GOT2: variants seen among roughly 807,000 people sequenced by gnomAD.
GOT2 encodes glutamic-oxaloacetic transaminase 2, also known as aspartate aminotransferase, mitochondrial.
Under a neutral mutation model 50.0 loss-of-function variants are expected in GOT2, and 17 were observed. That is an observed-to-expected ratio of 0.34 (90% CI 0.23 to 0.51). The LOEUF (loss-of-function observed/expected upper bound fraction) is 0.51. Among genes scored for constraint, GOT2 ranks in the 20% least tolerant of loss-of-function variants. The probability of loss-of-function intolerance (pLI) is 0.97; values close to 1 mark genes in which losing one functional copy is unlikely to be tolerated. For missense variants in GOT2, 430 were observed against 559.6 expected (o/e 0.77, Z 2.34); for synonymous variants, 172 against 204.9 (o/e 0.84, Z 1.37).
chr16:58,718,646 G>C lies in GOT2; in HGVS notation c.478C>G (p.Pro160Ala). The change falls in exon 5 of 10, where the codon CCA (proline) becomes GCA (alanine). Residue 160 changes from proline to alanine, a missense_variant. Coordinates refer to ENST00000245206, the MANE Select transcript of GOT2 (RefSeq NM_002080.4). ...ATGGGTGTGTGGTTTCCCCAGGTTG[G>C]TTTGGGCAGAAAGACATCTCGGCTG... ...KFSRDVFLPK[P>A]TWGNHTPIFR... 1 of 1,601,274 alleles carries C rather than the reference G, an allele frequency of 6.2e-7. No homozygotes were observed. The highest frequency in any genetic ancestry group is 1.3e-5 in the African/African-American group (1 of 74,424).
chr16:58,728,823 G>A (rs995848713), intron 1 of GOT2, among the ~76,000 whole-genome samples: 2 of 152,118 alleles, frequency 1.3e-5, no homozygotes, highest in Non-Finnish European at 2.9e-5. Flanking sequence ...TGGGATTATA[G>A]GCACCCGCCA....
chr16:58,728,547 G>A lies in GOT2; in HGVS notation c.90-4645C>T, dbSNP rs974925587. ...GAGAATTCAAGGAGCATATGCAGCC[G>A]TAAGACCTTGTGACCAAATGCAGGT... On this transcript the variant is annotated intron_variant, in intron 1 of 9. Coordinates refer to ENST00000245206, the MANE Select transcript of GOT2 (RefSeq NM_002080.4). 3.3e-5 allele frequency among the ~76,000 whole-genome samples: 5 copies of A among 152,334 alleles called. No individual in the cohort carries two copies. The East Asian group carries it at 7.7e-4, about 24-fold the overall frequency.
At chr16:58,730,025 A>T (rs1236694796) in intron 1 of GOT2, among the ~76,000 whole-genome samples, 1 of 152,204 alleles carries the variant, frequency 6.6e-6, no homozygotes, top group Admixed American at 6.6e-5. Flanking sequence ...AAAACTATGT[A>T]TCTATTGCTT....
intron 2 of GOT2, 85 bp downstream of exon 2, chr16:58,723,661 C>T (rs1247017658): frequency 9.0e-7 from 1 of 1,112,640 alleles, no homozygotes; most frequent in African/African-American, 1.6e-5. Flanking sequence ...GCTCCTGATT[C>T]CCGGTCCAGC....
intron 1 of GOT2, among the ~76,000 whole-genome samples, chr16:58,732,169 G>A (rs2044839413): frequency 6.6e-6 from 1 of 152,206 alleles, no homozygotes; most frequent in Non-Finnish European, 1.5e-5. Flanking sequence ...GCTGGGTGTG[G>A]TGGTGTATGC....
intron 1 of GOT2, among the ~76,000 whole-genome samples, chr16:58,726,557 C>T (rs989319170): frequency 2.6e-5 from 4 of 151,544 alleles, no homozygotes; most frequent in African/African-American, 7.3e-5. Flanking sequence ...TGCAGTGGCA[C>T]GATCGTGGCT....
chr16:58,734,276 C>T lies in GOT2; in HGVS notation c.-48G>A. On this transcript the variant is annotated 5_prime_UTR_variant, in exon 1 of 10. Coordinates refer to ENST00000245206, the MANE Select transcript of GOT2 (RefSeq NM_002080.4). ...GGCAGCCGCAGGACGGAGCAGAGGG[C>T]GAGCGGACACACACACAGGGAACCG... 9.8e-7 allele frequency: 1 copy of T among 1,024,696 alleles called. No individual in the cohort carries two copies. The highest frequency in any genetic ancestry group is 1.3e-6 in the Non-Finnish European group (1 of 778,792). The allele number at this position is 1,024,696 out of a possible 1,614,324, so 63.5% of individuals were successfully genotyped here.
At chr16:58,709,714 G>A in intron 8 of GOT2, 147 bp from the exon 9 acceptor site, 1 of 590,990 alleles carries the variant, frequency 1.7e-6, no homozygotes, top group Non-Finnish European at 3.0e-6. Flanking sequence ...CACTGGCCAG[G>A]GAAGAAAGCT....
chr16:58,723,906 A>T lies in GOT2; in HGVS notation c.90-4T>A, dbSNP rs955338073. ...TTCCACATGGGTCCACCAGGAGCTG[A>T]AATGAGAAACACATTAGCTCAATCC... On this transcript the variant is annotated splice_region_variant and splice_polypyrimidine_tract_variant and intron_variant, in intron 1 of 9. Coordinates refer to ENST00000245206, the MANE Select transcript of GOT2 (RefSeq NM_002080.4). 5.0e-6 allele frequency: 8 copies of T among 1,612,380 alleles called. No homozygotes were observed. The highest frequency in any genetic ancestry group is 5.1e-6 in the Non-Finnish European group (6 of 1,179,102).
At chr16:58,731,445 G>A (rs1385316643) in intron 1 of GOT2, among the ~76,000 whole-genome samples, 5 of 152,202 alleles carry the variant, frequency 3.3e-5, no homozygotes. Flanking sequence ...TGCCTGGTCT[G>A]TGATCTTTTA....
In GOT2 at chr16:58,716,714, C is replaced by T. The variant is rs1428942459; in HGVS notation, c.802G>A (p.Gly268Ser). The change falls in exon 7 of 10, where the codon GGC becomes AGC. Residue 268 changes from glycine (G) to serine (S), a missense_variant. Gly to Ser is a moderately conservative substitution (Grantham distance 56, BLOSUM62 0). Transcript: ENST00000245206. ...GATTGGCAGAGGCAAACATTAATGC[C>T]CTGTTCGATGAAGTGGCGCACAGCC... ...AWAVRHFIEQ[G>S]INVCLCQSYA... The T allele has an allele frequency of 6.2e-7, 1 of 1,613,824 alleles. No homozygotes were observed. The highest frequency in any genetic ancestry group is 1.3e-5 in the African/African-American group (1 of 74,910).
chr16:58,733,318 C>T (rs1478657938), intron 1 of GOT2, among the ~76,000 whole-genome samples: 1 of 152,124 alleles, frequency 6.6e-6, no homozygotes, highest in Non-Finnish European at 1.5e-5. Flanking sequence ...TGTCATTGTC[C>T]TTCCCTCGCC....
intron 6 of GOT2, 24 bp downstream of exon 6, chr16:58,718,172 C>T (rs369834580): frequency 1.9e-5 from 29 of 1,498,432 alleles, no homozygotes; most frequent in South Asian, 5.6e-5. Flanking sequence ...ACAGAACTGT[C>T]GCCAGTGAGT....
chr16:58,721,809 C>A, intron 3 of GOT2: 1 of 144,194 alleles, frequency 6.9e-6, no homozygotes, highest in Non-Finnish European at 1.5e-5. Context: ...AGATGGAGTT[C>A]TGCTGTTGTT....
At chr16:58,710,984 A>AG (rs1486049449) in intron 8 of GOT2, among the ~76,000 whole-genome samples, 1 of 151,508 alleles carries the variant, frequency 6.6e-6, no homozygotes, top group Admixed American at 6.6e-5. Context: ...AAAAAAAAAA[A>AG]AAAAGAAAAG....
chr16:58,734,000 G>A, intron 1 of GOT2, 140 bp downstream of exon 1: 1 of 403,178 alleles, frequency 2.5e-6, no homozygotes, highest in Non-Finnish European at 4.1e-6. Flanking sequence ...AAAGCCGAGG[G>A]GGTGGCAGAA....
At chr16:58,731,428 G>A (rs779704968) in intron 1 of GOT2, among the ~76,000 whole-genome samples, 6 of 152,200 alleles carry the variant, frequency 3.9e-5, no homozygotes, top group Non-Finnish European at 8.8e-5. Context: ...ACAGGTGTGA[G>A]CTACTGTGCC....
intron 1 of GOT2, 178 bp downstream of exon 1, chr16:58,733,962 A>T: frequency 2.5e-6 from 1 of 400,832 alleles, no homozygotes; most frequent in Non-Finnish European, 4.4e-6. Context: ...TGGGGCACGG[A>T]CGCTCAATCC....
In GOT2 at chr16:58,716,145, T is replaced by C. The variant is rs775160034; in HGVS notation, c.888A>G (p.Lys296=). The C allele has an allele frequency of 8.1e-6, 13 of 1,613,786 alleles. No individual in the cohort carries two copies. Among genetic ancestry groups the C allele is most frequent in the Non-Finnish European group, 1.1e-5 (13 of 1,179,886 alleles). Residue 296 remains lysine, a synonymous_variant, in exon 8 of 10, where the codon AAA becomes AAG. Coordinates refer to ENST00000245206, the MANE Select transcript of GOT2 (RefSeq NM_002080.4). ...CTACCCTTTTGGCTTCATCCGCATCTTTGCAGACCATAGTGAAGGCTCCTA... is the reference window on the plus strand; with the variant it reads ...CTACCCTTTTGGCTTCATCCGCATCCTTGCAGACCATAGTGAAGGCTCCTA... The part of the protein sequence containing the change: ...ERVGAFTMVC[K]DADEAKRVES...
Sources: gnomAD v4.1 joint callset for allele counts (sites outside exome capture counted in the v4.1 genomes callset) on GRCh38, gnomAD v4.1.1 for gene constraint, MANE v1.5 for transcripts, NCBI Gene and HGNC (gene_info 2026-07-23, HGNC 2026-07-21) for gene names.